NALF1: variants seen among roughly 807,000 people sequenced by gnomAD.
The protein encoded by NALF1 is NALCN channel auxiliary factor 1.
NALF1 carries 3 observed loss-of-function variants against 48.4 expected under a neutral mutation model. That is an observed-to-expected ratio of 0.06 (90% CI 0.03 to 0.16). The LOEUF (loss-of-function observed/expected upper bound fraction) is 0.16, where lower values mean the gene tolerates loss of function less well. Ranked by LOEUF, NALF1 falls within the 10% of genes least tolerant of loss-of-function variation. The pLI, the probability that NALF1 is intolerant of heterozygous loss-of-function variation, is 1.00. For synonymous variants in NALF1, 262 were observed against 245.7 expected (o/e 1.07, Z -0.62); for missense variants, 526 against 571.5 (o/e 0.92, Z 0.81).
rs923637456 is a variant in NALF1, at chr13:107,353,967, T to C, written c.916-143212A>G. Among the ~76,000 whole-genome samples, 6 of 152,318 alleles carry C rather than the reference T, an allele frequency of 3.9e-5. No individual in the cohort carries two copies. In the East Asian group the frequency reaches 1.2e-3, roughly 29 times the overall value. ...ATTCTAAATGCTGAACATTTATTGG[T>C]AGTTTTACTTCTCATAACAACCTCA... is the stretch of plus-strand genomic sequence containing the variant. On this transcript the variant is annotated intron_variant, in intron 1 of 2. Transcript: ENST00000375915.
intron 1 of NALF1, among the ~76,000 whole-genome samples, chr13:107,290,548 T>G (rs550438104): frequency 1.3e-5 from 2 of 152,146 alleles, no homozygotes; most frequent in African/African-American, 2.4e-5. Context: ...CCTGCTGCCA[T>G]GTAGGATGCG....
intron 1 of NALF1, among the ~76,000 whole-genome samples, chr13:107,580,071 G>A (rs1878262392): frequency 6.6e-6 from 1 of 151,916 alleles, no homozygotes; most frequent in South Asian, 2.1e-4. Flanking sequence ...TGATAGACTG[G>A]ATTAAGAAAA....
chr13:107,815,210 T>G (rs7996276), intron 1 of NALF1, among the ~76,000 whole-genome samples: 12,965 of 152,070 alleles, frequency 0.085, 838 homozygotes, highest in East Asian at 0.39. Flanking sequence ...TCAATAAATC[T>G]AAAAGACAAC....
At chr13:107,390,528 T>C (rs564692445) in intron 1 of NALF1, among the ~76,000 whole-genome samples, 37 of 151,966 alleles carry the variant, frequency 2.4e-4, no homozygotes, top group African/African-American at 7.5e-4. Context: ...AGATAAGCAA[T>C]GATATGTATA....
chr13:107,665,760 G>A (rs1880843037), intron 1 of NALF1, among the ~76,000 whole-genome samples: 1 of 151,638 alleles, frequency 6.6e-6, no homozygotes, highest in South Asian at 2.1e-4. Context: ...ATAATATGAG[G>A]GGACTTCAAA....
At chr13:107,386,621 C>A (rs1000622718) in intron 1 of NALF1, among the ~76,000 whole-genome samples, 1 of 152,182 alleles carries the variant, frequency 6.6e-6, no homozygotes, top group African/African-American at 2.4e-5. Context: ...CAATCACCTG[C>A]CTCTGCCAAA....
intron 1 of NALF1, among the ~76,000 whole-genome samples, chr13:107,741,299 C>A (rs1014463570): frequency 1.3e-5 from 2 of 152,018 alleles, no homozygotes; most frequent in African/African-American, 4.8e-5. Context: ...ATTTTCCTAC[C>A]CTAATTCAGC....
intron 1 of NALF1, among the ~76,000 whole-genome samples, chr13:107,456,110 T>G (rs1884820844): frequency 6.6e-6 from 1 of 152,082 alleles, no homozygotes; most frequent in Admixed American, 6.6e-5. Flanking sequence ...TATTGAAGGG[T>G]AGGATAGAGG....
intron 1 of NALF1, among the ~76,000 whole-genome samples, chr13:107,720,130 C>G (rs576894382): frequency 1.4e-4 from 22 of 152,272 alleles, no homozygotes; most frequent in Non-Finnish European, 2.5e-4. Flanking sequence ...TGGCCTCCAC[C>G]CTACGAACTT....
intron 1 of NALF1, among the ~76,000 whole-genome samples, chr13:107,645,017 T>C (rs925535286): frequency 6.6e-6 from 1 of 152,190 alleles, no homozygotes; most frequent in Admixed American, 6.6e-5. Context: ...TGTATAAATG[T>C]ACTACAATTT....
At chr13:107,589,396 G>C (rs1878544346) in intron 1 of NALF1, among the ~76,000 whole-genome samples, 1 of 151,940 alleles carries the variant, frequency 6.6e-6, no homozygotes, top group Non-Finnish European at 1.5e-5. Context: ...GGATAAATTT[G>C]TGTATAAAAA....
intron 1 of NALF1, among the ~76,000 whole-genome samples, chr13:107,429,363 A>G (rs1243232554): frequency 6.6e-6 from 1 of 151,958 alleles, no homozygotes; most frequent in Non-Finnish European, 1.5e-5. Context: ...AAATAGTTCC[A>G]TGTGTTTATT....
At chr13:107,288,529 T>C (rs1412737300) in intron 1 of NALF1, among the ~76,000 whole-genome samples, 1 of 147,694 alleles carries the variant, frequency 6.8e-6, no homozygotes, top group African/African-American at 2.5e-5. Context: ...CTGAAAACTT[T>C]TTTTTTTTTT....
At chr13:107,543,267 A>C (rs938758907) in intron 1 of NALF1, among the ~76,000 whole-genome samples, 5 of 152,230 alleles carry the variant, frequency 3.3e-5, no homozygotes, top group African/African-American at 9.6e-5. Context: ...ACTTAAAACT[A>C]ATGCTACATA....
In NALF1 at chr13:107,594,011, C is replaced by A. The variant is rs565998684; in HGVS notation, c.915+271671G>T. On this transcript the variant is annotated intron_variant, in intron 1 of 2. Transcript: ENST00000375915. ...ATGACAAATTTACAGCTAAATAAAA[C>A]CTCCTTTATCAAAAGCATGACATTA... Among the ~76,000 whole-genome samples, 3 of 152,046 alleles carry A rather than the reference C, an allele frequency of 2.0e-5. No homozygotes were observed. The South Asian group carries it at 6.2e-4, about 32-fold the overall frequency.
chr13:107,652,326 C>T (rs1880469135), intron 1 of NALF1, among the ~76,000 whole-genome samples: 2 of 152,118 alleles, frequency 1.3e-5, no homozygotes, highest in Admixed American at 6.5e-5. Flanking sequence ...TCATTATGTG[C>T]TTAATGACTT....
chr13:107,513,690 G>A (rs1213990447), intron 1 of NALF1, among the ~76,000 whole-genome samples: 6 of 152,178 alleles, frequency 3.9e-5, no homozygotes, highest in Non-Finnish European at 8.8e-5. Flanking sequence ...CAGCACTAGC[G>A]CTGGCAGGTC....
chr13:107,645,983 T>C (rs1180140730), intron 1 of NALF1, among the ~76,000 whole-genome samples: 1 of 152,102 alleles, frequency 6.6e-6, no homozygotes, highest in Non-Finnish European at 1.5e-5. Context: ...GAGTTCTTGG[T>C]TTCTTACCCT....
At chr13:107,484,835 A>G (rs192829552) in intron 1 of NALF1, among the ~76,000 whole-genome samples, 2 of 152,262 alleles carry the variant, frequency 1.3e-5, no homozygotes, top group African/African-American at 4.8e-5. Flanking sequence ...AACTCCAGGA[A>G]CATATAAGCA....
Sources: gnomAD v4.1 joint callset for allele counts (sites outside exome capture counted in the v4.1 genomes callset) on GRCh38, gnomAD v4.1.1 for gene constraint, MANE v1.5 for transcripts, NCBI Gene and HGNC (gene_info 2026-07-23, HGNC 2026-07-21) for gene names.